SYK: variants seen among roughly 807,000 people sequenced by gnomAD.
SYK encodes tyrosine-protein kinase SYK.
Under a neutral mutation model 77.8 loss-of-function variants are expected in SYK, and 16 were observed. The ratio of observed to expected loss-of-function variants is 0.21; its 90% CI spans 0.14 to 0.31. The LOEUF is 0.31. SYK is among the 10% of genes least tolerant of loss of function. SYK has a pLI of 1.00. For missense variants in SYK, 529 were observed against 814.4 expected (o/e 0.65, Z 4.26); for synonymous variants, 312 against 308.7 (o/e 1.01, Z -0.11).
intron 11 of SYK, among the ~76,000 whole-genome samples, chr9:90,884,827 ATG>A (rs1161127572): frequency 2.2e-5 from 2 of 90,050 alleles, no homozygotes; most frequent in African/African-American, 4.2e-5. Flanking sequence ...ATATACACAT[ATG>A]TGTGTATATA....
In SYK at chr9:90,844,082, C is replaced by T. The variant is rs774446027; in HGVS notation, c.184C>T (p.His62Tyr). Residue 62 changes from histidine to tyrosine, a missense_variant, in exon 2 of 14, where the codon CAC (histidine) becomes TAC (tyrosine). Physicochemically the swap from His to Tyr is moderately conservative, Grantham distance 83. Coordinates refer to ENST00000375754, the MANE Select transcript of SYK (RefSeq NM_003177.7). ...GTCCGTGGCCCACGGGAGGAAGGCA[C>T]ACCACTACACCATCGAGCGGGAGCT... ...ALSVAHGRKA[H>Y]HYTIERELNG... The T allele has an allele frequency of 1.2e-6, 2 of 1,612,098 alleles. No individual in the cohort carries two copies. The highest frequency in any genetic ancestry group is 2.2e-5 in the East Asian group (1 of 44,856).
At chr9:90,826,808 G>C (rs1361514927) in intron 1 of SYK, among the ~76,000 whole-genome samples, 1 of 152,182 alleles carries the variant, frequency 6.6e-6, no homozygotes, top group African/African-American at 2.4e-5. Context: ...TACCCTGAGG[G>C]AGCTGGTCAG....
chr9:90,822,682 A>C (rs1039471652), intron 1 of SYK, among the ~76,000 whole-genome samples: 3 of 152,178 alleles, frequency 2.0e-5, no homozygotes, highest in Non-Finnish European at 4.4e-5. Flanking sequence ...CCACAGGATG[A>C]GTCCAGGTGA....
At chr9:90,876,466 TAC>T (rs1339824148) in intron 9 of SYK, among the ~76,000 whole-genome samples, 1 of 150,316 alleles carries the variant, frequency 6.7e-6, no homozygotes, top group Non-Finnish European at 1.5e-5. Flanking sequence ...CGCACATATA[TAC>T]ACACACAATC....
At chr9:90,868,789 A>G (rs994223128) in intron 7 of SYK, among the ~76,000 whole-genome samples, 8 of 152,212 alleles carry the variant, frequency 5.3e-5, no homozygotes, top group Admixed American at 2.0e-4. Flanking sequence ...AGGCTCTGCA[A>G]TTTTATTTCT....
At chr9:90,867,898 T>C (rs544898984) in intron 7 of SYK, among the ~76,000 whole-genome samples, 1 of 152,214 alleles carries the variant, frequency 6.6e-6, no homozygotes, top group Non-Finnish European at 1.5e-5. Flanking sequence ...GTATATATAA[T>C]GTGTTTGAAT....
intron 1 of SYK, among the ~76,000 whole-genome samples, chr9:90,815,090 C>T (rs942836080): frequency 2.2e-5 from 3 of 139,084 alleles, no homozygotes; most frequent in African/African-American, 8.2e-5. Flanking sequence ...CCTTTCTCTT[C>T]GGTTAAAAAA....
chr9:90,874,184 T>C lies in SYK; in HGVS notation c.916-20T>C. On this transcript the variant is annotated intron_variant, in intron 7 of 13. Transcript: ENST00000375754. The stretch of plus-strand genomic sequence containing the variant: ...TTTGTGGATGAAGAAAAACAACCTG[T>C]TGTCCTTTATGTACTTTAGTCCTCC... 6.2e-7 allele frequency: 1 copy of C among 1,603,600 alleles called. No individual in the cohort carries two copies. Among genetic ancestry groups the C allele is most frequent in the Non-Finnish European group, 8.5e-7 (1 of 1,170,612 alleles).
intron 1 of SYK, among the ~76,000 whole-genome samples, chr9:90,802,825 A>AAAAAAAAAAAAAAAAAAG (rs1236059554): frequency 6.6e-6 from 1 of 150,606 alleles, no homozygotes; most frequent in African/African-American, 2.4e-5. Context: ...TAAAAAAAAA[A>AAAAAAAAAAAAAAAAAAG]AAGAGTTGAA....
chr9:90,891,175 T>G (rs1828776188), intron 13 of SYK, among the ~76,000 whole-genome samples: 1 of 138,744 alleles, frequency 7.2e-6, no homozygotes, highest in Admixed American at 7.4e-5. Context: ...AGACGGAGTC[T>G]CACTCTGTCG....
At chr9:90,887,660 C>G (rs1309708791) in intron 11 of SYK, 89 bp from the exon 12 acceptor site, 2 of 1,429,590 alleles carry the variant, frequency 1.4e-6, no homozygotes, top group Non-Finnish European at 1.9e-6. Flanking sequence ...TCCTCAGCCT[C>G]CCAAAGTGCT....
chr9:90,844,297 G>A lies in SYK; in HGVS notation c.399G>A (p.Lys133=). The A allele has an allele frequency of 1.2e-6, 2 of 1,609,744 alleles. No homozygotes were observed. Among genetic ancestry groups the A allele is most frequent in the South Asian group, 2.2e-5 (2 of 90,482 alleles). ...AAAACCTCATCAGGGAATATGTGAA[G>A]CAGACATGGAACCTGCAGGTGGGCC... ...LKENLIREYV[K]QTWNLQGQAL... is the part of the protein sequence containing the mutation. Residue 133 remains lysine, a synonymous_variant, in exon 2 of 14, where the codon AAG becomes AAA. Transcript: ENST00000375754.
chr9:90,886,749 A>G (rs571256364), intron 11 of SYK, among the ~76,000 whole-genome samples: 3 of 152,238 alleles, frequency 2.0e-5, no homozygotes, highest in African/African-American at 7.2e-5. Context: ...ACATAGAATT[A>G]CCATATGATC....
chr9:90,858,972 G>A (rs1827148174), intron 3 of SYK, among the ~76,000 whole-genome samples: 1 of 152,204 alleles, frequency 6.6e-6, no homozygotes, highest in Non-Finnish European at 1.5e-5. Context: ...AAGGAAGTGA[G>A]GCCTTTGCAG....
chr9:90,857,073 G>A (rs1587870776), intron 3 of SYK, among the ~76,000 whole-genome samples: 1 of 152,322 alleles, frequency 6.6e-6, no homozygotes, highest in South Asian at 2.1e-4. Context: ...ACTTTTTGCT[G>A]TTCAAGTTTC....
chr9:90,873,516 A>G lies in SYK; in HGVS notation c.916-688A>G, dbSNP rs1454440984. 3.3e-5 allele frequency among the ~76,000 whole-genome samples: 5 copies of G among 152,194 alleles called. No individual in the cohort carries two copies. The East Asian group carries it at 9.6e-4, about 29-fold the overall frequency. On this transcript the variant is annotated intron_variant, in intron 7 of 13. Transcript: ENST00000375754. The stretch of plus-strand genomic sequence containing the variant: ...TTTCCCCCCCCAGTTGTTTCATGAT[A>G]TAAACTGATGTGGACCAAATAAATA...
chr9:90,829,962 T>C (rs1315170035), intron 1 of SYK, among the ~76,000 whole-genome samples: 4 of 152,256 alleles, frequency 2.6e-5, no homozygotes, highest in Non-Finnish European at 4.4e-5. Context: ...ACTTTCAATC[T>C]TTTAAGTTCT....
intron 3 of SYK, among the ~76,000 whole-genome samples, chr9:90,846,043 T>A (rs939081017): frequency 6.6e-6 from 1 of 152,100 alleles, no homozygotes; most frequent in East Asian, 1.9e-4. Context: ...TTCCTGGGAG[T>A]AGCATCCATG....
chr9:90,834,058 G>T (rs959411819), intron 1 of SYK, among the ~76,000 whole-genome samples: 50 of 152,202 alleles, frequency 3.3e-4, no homozygotes, highest in African/African-American at 1.2e-3. Context: ...CACGTGCAAG[G>T]TGAAGCCTGA....
Sources: gnomAD v4.1 joint callset for allele counts (sites outside exome capture counted in the v4.1 genomes callset) on GRCh38, gnomAD v4.1.1 for gene constraint, MANE v1.5 for transcripts, NCBI Gene and HGNC (gene_info 2026-07-23, HGNC 2026-07-21) for gene names.